NEXMIF: variants seen among roughly 807,000 people sequenced by gnomAD.
NEXMIF encodes XLMR protein related to neurite extension.
In NEXMIF, 8 loss-of-function variants were observed where a neutral mutation model predicts 62.1. That is an observed-to-expected ratio of 0.13 (90% confidence interval 0.08 to 0.23). The LOEUF (loss-of-function observed/expected upper bound fraction) is 0.23, where lower values mean the gene tolerates loss of function less well. Among genes scored for constraint, NEXMIF ranks in the 10% least tolerant of loss-of-function variants. The probability of loss-of-function intolerance (pLI) is 1.00; values close to 1 mark genes in which losing one functional copy is unlikely to be tolerated. For missense variants in NEXMIF, 976 were observed against 1,113.3 expected (o/e 0.88, Z 1.75); for synonymous variants, 404 against 416.6 (o/e 0.97, Z 0.37).
At chrX:74,895,834 T>TAA (rs749007896) in intron 1 of NEXMIF, among the ~76,000 whole-genome samples, 40 of 86,009 alleles carry the variant, frequency 4.7e-4, no homozygotes, top group African/African-American at 1.5e-3. Context: ...GGCTACTGTG[T>TAA]AAAAAAAAAA....
intron 1 of NEXMIF, among the ~76,000 whole-genome samples, chrX:74,749,301 C>T (rs909485033): frequency 1.2e-4 from 13 of 110,743 alleles, no homozygotes; most frequent in South Asian, 3.9e-4. Context: ...AAAAGTATTC[C>T]AGGCAGAAGG....
intron 1 of NEXMIF, among the ~76,000 whole-genome samples, chrX:74,797,817 C>G: frequency 8.9e-6 from 1 of 111,897 alleles, no homozygotes; most frequent in Non-Finnish European, 1.9e-5. Flanking sequence ...CTTTACCAAG[C>G]TCAACGTAGA....
chrX:74,897,486 T>C (rs772566776), intron 1 of NEXMIF, among the ~76,000 whole-genome samples: 4 of 112,278 alleles, frequency 3.6e-5, no homozygotes, highest in Non-Finnish European at 7.5e-5. Context: ...CATACATAGT[T>C]TCTAGTAGAA....
chrX:74,781,714 T>TGTGAAAGCCTTAGGTGTAC (rs1304184505), intron 1 of NEXMIF, among the ~76,000 whole-genome samples: 1 of 104,654 alleles, frequency 9.6e-6, no homozygotes, highest in Non-Finnish European at 2.0e-5. Flanking sequence ...TTTATGTGTA[T>TGTGAAAGCCTTAGGTGTAC]GTGAAAGCCT....
At chrX:74,788,857 C>T (rs368547925) in intron 1 of NEXMIF, among the ~76,000 whole-genome samples, 1 of 111,244 alleles carries the variant, frequency 9.0e-6, no homozygotes, top group East Asian at 2.8e-4. Flanking sequence ...TCCCAGACTT[C>T]CAGCTCAGAG....
chrX:74,755,776 G>A (rs576062394), intron 1 of NEXMIF, among the ~76,000 whole-genome samples: 6 of 112,072 alleles, frequency 5.4e-5, no homozygotes, highest in African/African-American at 1.9e-4. Context: ...AAACTGATAG[G>A]CTGATAAATG....
At chrX:74,861,029 G>A (rs983974948) in intron 1 of NEXMIF, among the ~76,000 whole-genome samples, 7 of 111,535 alleles carry the variant, frequency 6.3e-5, no homozygotes, top group African/African-American at 1.3e-4. Context: ...AAGAGAGAAC[G>A]CACAAATAAA....
At chrX:74,869,344 T>C (rs368560633) in intron 1 of NEXMIF, among the ~76,000 whole-genome samples, 1 of 111,753 alleles carries the variant, frequency 8.9e-6, no homozygotes. Flanking sequence ...AAGCCATCTA[T>C]GACAGACCAA....
At chrX:74,800,903 T>C (rs2080327724) in intron 1 of NEXMIF, among the ~76,000 whole-genome samples, 1 of 111,226 alleles carries the variant, frequency 9.0e-6, no homozygotes, top group Admixed American at 9.6e-5. Context: ...TAATGATATG[T>C]ATCCACTATT....
intron 1 of NEXMIF, among the ~76,000 whole-genome samples, chrX:74,884,715 C>T (rs1052765397): frequency 9.0e-6 from 1 of 111,688 alleles, no homozygotes; most frequent in Admixed American, 9.5e-5. Flanking sequence ...TAACACCCCA[C>T]TGTCAACATT....
intron 1 of NEXMIF, among the ~76,000 whole-genome samples, chrX:74,778,204 C>G (rs1043864400): frequency 2.7e-5 from 3 of 111,856 alleles, no homozygotes; most frequent in African/African-American, 9.8e-5. Context: ...ATGCTACATA[C>G]ATGTTTACCC....
chrX:74,800,778 A>T (rs2080327384), intron 1 of NEXMIF, among the ~76,000 whole-genome samples: 1 of 110,985 alleles, frequency 9.0e-6, no homozygotes, highest in African/African-American at 3.3e-5. Flanking sequence ...TTATTTAGCA[A>T]TTTTTTTCTT....
At chrX:74,896,252 C>T (rs775418447) in intron 1 of NEXMIF, among the ~76,000 whole-genome samples, 13 of 112,076 alleles carry the variant, frequency 1.2e-4, no homozygotes, top group Non-Finnish European at 2.4e-4. Flanking sequence ...TTGAAAAGCT[C>T]TCAGCCCCTT....
intron 1 of NEXMIF, among the ~76,000 whole-genome samples, chrX:74,871,401 C>T (rs2080600372): frequency 9.0e-6 from 1 of 111,550 alleles, no homozygotes; most frequent in Non-Finnish European, 1.9e-5. Flanking sequence ...ATTAGAATTA[C>T]TGATGAAGGT....
intron 1 of NEXMIF, among the ~76,000 whole-genome samples, chrX:74,749,359 T>C (rs2080134874): frequency 9.0e-6 from 1 of 111,015 alleles, no homozygotes; most frequent in Non-Finnish European, 1.9e-5. Context: ...GTCTATCTTC[T>C]AAACAACTGC....
chrX:74,763,405 C>T (rs2080183993), intron 1 of NEXMIF, among the ~76,000 whole-genome samples: 1 of 111,842 alleles, frequency 8.9e-6, no homozygotes, highest in Non-Finnish European at 1.9e-5. Flanking sequence ...TAGTGTGATG[C>T]CTCCAGCTTT....
chrX:74,892,056 T>C (rs1271429917), intron 1 of NEXMIF, among the ~76,000 whole-genome samples: 3 of 112,545 alleles, frequency 2.7e-5, no homozygotes, highest in Admixed American at 9.4e-5. Context: ...GTATTTTTTT[T>C]TCTCTCAGAA....
intron 1 of NEXMIF, among the ~76,000 whole-genome samples, chrX:74,782,526 G>A (rs980987147): frequency 1.8e-5 from 2 of 110,600 alleles, no homozygotes; most frequent in Non-Finnish European, 3.8e-5. Flanking sequence ...AAGGCCTTCT[G>A]TATGGGGCCC....
chrX:74,875,271 G>A (rs1376575534), intron 1 of NEXMIF, among the ~76,000 whole-genome samples: 7 of 111,008 alleles, frequency 6.3e-5, no homozygotes, highest in Non-Finnish European at 5.7e-5. Context: ...TTTGTCTTTG[G>A]TTCTGTTTAT....
Sources: allele counts gnomAD v4.1 joint callset (sites outside exome capture counted in the v4.1 genomes callset), GRCh38; gene constraint gnomAD v4.1.1; transcripts MANE v1.5; gene names NCBI Gene and HGNC (gene_info 2026-07-23, HGNC 2026-07-21).